The following NEK11 variants were observed in gnomAD, a reference collection of about 807,000 sequenced individuals.
The protein encoded by NEK11 is NIMA related kinase 11, also known as serine/threonine-protein kinase Nek11.
Under a neutral mutation model 80.7 loss-of-function variants are expected in NEK11, and 72 were observed. That is an observed-to-expected ratio of 0.89 (90% CI 0.74 to 1.08). NEK11 has a LOEUF of 1.08. NEK11 is among the 50% of genes least tolerant of loss of function. NEK11 has a pLI of 0.00. For missense variants in NEK11, 764 were observed against 763.6 expected, an observed-to-expected ratio of 1.00 and a Z score of -0.01; for synonymous variants, 251 against 260.7, an observed-to-expected ratio of 0.96 and a Z score of 0.36.
At chr3:131,127,877 A>G (rs988145324) in intron 5 of NEK11, among the ~76,000 whole-genome samples, 2 of 151,220 alleles carry the variant, frequency 1.3e-5, no homozygotes, top group African/African-American at 4.9e-5. Context: ...CTTTATTTCT[A>G]TGAAGAAGTT....
At chr3:131,201,934 C>T (rs1580075829) in intron 14 of NEK11, among the ~76,000 whole-genome samples, 1 of 152,254 alleles carries the variant, frequency 6.6e-6, no homozygotes, top group East Asian at 1.9e-4. Flanking sequence ...TCACCGGATT[C>T]AAGCGATTCT....
chr3:131,038,156 T>G (rs2109519142), intron 3 of NEK11, among the ~76,000 whole-genome samples: 1 of 152,180 alleles, frequency 6.6e-6, no homozygotes, highest in East Asian at 1.9e-4. Context: ...AATACTAAAA[T>G]TAATATTAAA....
chr3:131,153,567 T>A (rs2090084929), intron 9 of NEK11, among the ~76,000 whole-genome samples: 1 of 152,114 alleles, frequency 6.6e-6, no homozygotes, highest in African/African-American at 2.4e-5. Context: ...TCCTCTGTAA[T>A]TTTATGCGTA....
At chr3:131,325,697 ATCT>A (rs1241797323) in intron 17 of NEK11, 3 of 152,222 alleles carry the variant, frequency 2.0e-5, no homozygotes, top group African/African-American at 4.8e-5. Context: ...TGAATTTGAA[ATCT>A]TCTTACTACC....
At chr3:131,063,078 G>A (rs1252376894) in intron 3 of NEK11, among the ~76,000 whole-genome samples, 1 of 152,188 alleles carries the variant, frequency 6.6e-6, no homozygotes, top group Non-Finnish European at 1.5e-5. Flanking sequence ...AGGCTAGAGT[G>A]CAGTGGCACA....
intron 12 of NEK11, 31 bp from the exon 13 acceptor site, chr3:131,168,799 T>C: frequency 1.3e-6 from 2 of 1,551,962 alleles, no homozygotes; most frequent in Non-Finnish European, 8.9e-7. Context: ...GGAAAACCAC[T>C]GCTGAACAGA....
chr3:131,108,298 G>A (rs2149333313), intron 4 of NEK11, among the ~76,000 whole-genome samples: 1 of 152,208 alleles, frequency 6.6e-6, no homozygotes, highest in South Asian at 2.1e-4. Context: ...GCCTATAAAT[G>A]TTCTTCCTTT....
intron 14 of NEK11, among the ~76,000 whole-genome samples, chr3:131,201,016 G>T (rs1245324912): frequency 6.6e-6 from 1 of 152,050 alleles, no homozygotes; most frequent in African/African-American, 2.4e-5. Flanking sequence ...ACAATGGGAT[G>T]CTCTATAGCA....
intron 14 of NEK11, among the ~76,000 whole-genome samples, chr3:131,181,257 G>A (rs2093326177): frequency 6.6e-6 from 1 of 152,178 alleles, no homozygotes; most frequent in Non-Finnish European, 1.5e-5. Context: ...ACAAGGAATT[G>A]GCCCAACATT....
At chr3:131,243,657 A>T (rs1272979389) in intron 16 of NEK11, among the ~76,000 whole-genome samples, 161 bp downstream of exon 16, 5 of 152,142 alleles carry the variant, frequency 3.3e-5, no homozygotes, top group African/African-American at 1.2e-4. Context: ...AAGCCAGGAA[A>T]CTCAAAGAAA....
At chr3:131,157,642 C>T (rs1316004093) in intron 10 of NEK11, among the ~76,000 whole-genome samples, 3 of 152,158 alleles carry the variant, frequency 2.0e-5, no homozygotes, top group South Asian at 2.1e-4. Flanking sequence ...GACTGGCACA[C>T]TCCTAACAGA....
intron 17 of NEK11, among the ~76,000 whole-genome samples, chr3:131,297,674 C>T (rs2096611281): frequency 6.6e-6 from 1 of 152,102 alleles, no homozygotes; most frequent in South Asian, 2.1e-4. Context: ...TTAATGAGAT[C>T]CCATTTGTCA....
intron 3 of NEK11, among the ~76,000 whole-genome samples, chr3:131,063,451 G>T (rs182598949): frequency 6.6e-6 from 1 of 152,246 alleles, no homozygotes; most frequent in Non-Finnish European, 1.5e-5. Flanking sequence ...TTGAATACAA[G>T]ACAACTCTTG....
chr3:131,350,075 C>A lies in NEK11; in HGVS notation c.*299C>A. ...GGGCTTCCAGCAGGATTGAGTCACCCTGACGATGACCGGGGAGAAGCCGTG... is the reference window on the plus strand; with the variant it reads ...GGGCTTCCAGCAGGATTGAGTCACCATGACGATGACCGGGGAGAAGCCGTG... On this transcript the variant is annotated 3_prime_UTR_variant, in exon 18 of 18. Transcript: ENST00000383366. 1 of 326,758 alleles carries A rather than the reference C, an allele frequency of 3.1e-6. No individual in the cohort carries two copies. The highest frequency in any genetic ancestry group is 5.7e-6 in the Non-Finnish European group (1 of 174,186). The allele number at this position is 326,758 out of a possible 1,614,324, so 20.2% of individuals were successfully genotyped here. A position where few individuals can be genotyped will look rare whatever the true frequency, so the allele number is the denominator to read the frequency against.
chr3:131,212,380 G>A (rs1239883792), intron 14 of NEK11, among the ~76,000 whole-genome samples: 3 of 152,168 alleles, frequency 2.0e-5, no homozygotes, highest in Non-Finnish European at 4.4e-5. Context: ...GGGGCACCCG[G>A]CTGTATGACG....
intron 15 of NEK11, among the ~76,000 whole-genome samples, chr3:131,240,365 C>T (rs766150191): frequency 6.6e-6 from 1 of 152,160 alleles, no homozygotes; most frequent in Non-Finnish European, 1.5e-5. Flanking sequence ...GAGTTGGCTG[C>T]AGCTTGGACA....
chr3:131,191,388 C>T, intron 14 of NEK11, among the ~76,000 whole-genome samples: 1 of 152,070 alleles, frequency 6.6e-6, no homozygotes, highest in South Asian at 2.1e-4. Context: ...GGTTTGTGCC[C>T]TCCTTTCTCT....
intron 14 of NEK11, among the ~76,000 whole-genome samples, chr3:131,199,134 A>G (rs2094137464): frequency 6.6e-6 from 1 of 152,228 alleles, no homozygotes; most frequent in South Asian, 2.1e-4. Context: ...CTATATAGCA[A>G]AAGACATAAT....
intron 17 of NEK11, among the ~76,000 whole-genome samples, chr3:131,313,965 T>C (rs1319886733): frequency 2.0e-5 from 3 of 152,324 alleles, no homozygotes; most frequent in African/African-American, 7.2e-5. Context: ...GTACAATATA[T>C]TGGGAAATAG....
Sources: allele counts gnomAD v4.1 joint callset (sites outside exome capture counted in the v4.1 genomes callset), GRCh38; gene constraint gnomAD v4.1.1; transcripts MANE v1.5; gene names NCBI Gene and HGNC (gene_info 2026-07-23, HGNC 2026-07-21).